ASPSCR1: variants seen among roughly 807,000 people sequenced by gnomAD.
The protein encoded by ASPSCR1 is ASPSCR1 tether for SLC2A4, UBX domain containing, also known as tether containing UBX domain for GLUT4.
A neutral mutation model predicts 68.9 loss-of-function variants in ASPSCR1; 55 were observed. The observed-to-expected ratio is 0.80, with a 90% confidence interval of 0.64 to 1.00. ASPSCR1 has a LOEUF of 1.00. ASPSCR1 is among the 50% of genes least tolerant of loss of function. The pLI is 0.00. For missense variants in ASPSCR1, 765 were observed against 762.2 expected, an observed-to-expected ratio of 1.00 and a Z score of -0.04; for synonymous variants, 352 against 332.6, an observed-to-expected ratio of 1.06 and a Z score of -0.63.
chr17:81,987,908 G>T lies in ASPSCR1; in HGVS notation c.374+2301G>T, dbSNP rs1349398962. Among the ~76,000 whole-genome samples the T allele has an allele frequency of 1.3e-5, 2 of 151,928 alleles. No homozygotes were observed. The highest frequency in any genetic ancestry group is 2.9e-5 in the Non-Finnish European group (2 of 67,982). On this transcript the variant is annotated intron_variant, in intron 4 of 15. Transcript: ENST00000306739. This position sits in a 1 kb window ranked among gnomAD's most constrained non-coding sequence, Gnocchi z 5.6. ...GGCACGGTGGCTCACACCTGTAATC[G>T]CAGCACTTTGGGAGGCTGAGGCGGG...
At chr17:82,012,204 T>C (rs763382388) in intron 11 of ASPSCR1, 27 bp from the exon 12 acceptor site, 2 of 1,611,068 alleles carry the variant, frequency 1.2e-6, no homozygotes, top group Admixed American at 3.3e-5. Context: ...CGGTGCTTCC[T>C]AACACGTAGG....
chr17:82,010,519 A>T (rs1369882923), intron 9 of ASPSCR1, among the ~76,000 whole-genome samples: 5 of 133,582 alleles, frequency 3.7e-5, no homozygotes, highest in Middle Eastern at 3.9e-3. Flanking sequence ...ACAGAGTGAG[A>T]CTCCATCTCA....
At chr17:82,009,213 C>T (rs746020195) in intron 8 of ASPSCR1, 22 bp downstream of exon 8, 2 of 1,583,336 alleles carry the variant, frequency 1.3e-6, no homozygotes, top group Middle Eastern at 1.7e-4. Flanking sequence ...CTCAGTGCCT[C>T]CCGGCATCTT....
chr17:82,016,993 G>A lies in ASPSCR1; in HGVS notation c.1528G>A (p.Ala510Thr). 2 of 1,612,620 alleles carry A rather than the reference G, an allele frequency of 1.2e-6. No homozygotes were observed. The highest frequency in any genetic ancestry group is 2.2e-5 in the East Asian group (1 of 44,878). ...TTCCCCATTGCCAGCCCCTGACCCTGCACCTAAGTCTGAGCCAGCTGCTGA... is the reference window on the plus strand; with the variant it reads ...TTCCCCATTGCCAGCCCCTGACCCTACACCTAAGTCTGAGCCAGCTGCTGA... Reference protein sequence around the residue: ...SPSPLPAPDPAPKSEPAAEEG... With the variant: ...SPSPLPAPDPTPKSEPAAEEG... Residue 510 changes from alanine (A) to threonine (T), a missense_variant, in exon 15 of 16, where the codon GCA (alanine) becomes ACA (threonine). Coordinates refer to ENST00000306739, the MANE Select transcript of ASPSCR1 (RefSeq NM_024083.4).
intron 4 of ASPSCR1, among the ~76,000 whole-genome samples, chr17:81,991,309 C>G (rs1195992397): frequency 6.6e-6 from 1 of 152,220 alleles, no homozygotes; most frequent in South Asian, 2.1e-4. Context: ...CCCTCTGCTC[C>G]CAGCCTTGAC....
intron 11 of ASPSCR1, 45 bp downstream of exon 11, chr17:82,011,650 G>C (rs535173971): frequency 1.9e-6 from 3 of 1,590,052 alleles, no homozygotes; most frequent in East Asian, 2.3e-5. Context: ...AGTGCTCGGG[G>C]CCTTGGTGCT....
chr17:82,015,057 C>T (rs1422094895), intron 12 of ASPSCR1: 3 of 1,591,274 alleles, frequency 1.9e-6, no homozygotes, highest in East Asian at 2.2e-5. Flanking sequence ...GACGGTGTGA[C>T]CCACTTTCCC....
chr17:82,015,854 C>T (rs781487640), intron 12 of ASPSCR1: 20 of 183,760 alleles, frequency 1.1e-4, no homozygotes, highest in Non-Finnish European at 2.3e-4. Context: ...AGGCCCTTCT[C>T]TGCTCACAAG....
chr17:81,982,051 C>A (rs945566393), intron 2 of ASPSCR1, among the ~76,000 whole-genome samples: 3 of 152,198 alleles, frequency 2.0e-5, no homozygotes, highest in Admixed American at 2.0e-4. Context: ...ACACTGCAAC[C>A]TCCGCCTCCC....
intron 8 of ASPSCR1, 26 bp from the exon 9 acceptor site, chr17:82,009,460 C>T (rs2042837053): frequency 1.7e-5 from 26 of 1,556,170 alleles, no homozygotes; most frequent in Non-Finnish European, 2.2e-5. Context: ...GACCAGAAGC[C>T]CTGTTCCTTC....
intron 5 of ASPSCR1, 99 bp downstream of exon 5, chr17:81,994,977 G>C (rs115284731): frequency 7.8e-7 from 1 of 1,276,278 alleles, no homozygotes; most frequent in Non-Finnish European, 1.1e-6. Flanking sequence ...GGGCAGTGGC[G>C]GGAGACTCGG....
chr17:81,994,422 G>A (rs2042269222), intron 4 of ASPSCR1, among the ~76,000 whole-genome samples: 2 of 152,236 alleles, frequency 1.3e-5, no homozygotes, highest in African/African-American at 2.4e-5. Flanking sequence ...AAGCCCAGAC[G>A]TCGGTACCCT....
rs1231233227 is a variant in ASPSCR1, at chr17:81,988,454, CAAA to C, written c.374+2862_374+2864del. ...TGGGTGACAAAGCAGGACTCCGTCTCAAAAAAAAAAAAAAAAACAAGAGCAAGT... is the reference window on the plus strand; with the variant it reads ...TGGGTGACAAAGCAGGACTCCGTCTCAAAAAAAAAAAAAACAAGAGCAAGT... On this transcript the variant is annotated intron_variant, in intron 4 of 15. Coordinates refer to ENST00000306739, the MANE Select transcript of ASPSCR1 (RefSeq NM_024083.4). Among the ~76,000 whole-genome samples the C allele has an allele frequency of 1.3e-4, 9 of 71,016 alleles. No homozygotes were observed. The South Asian group carries it at 1.4e-3, about 11-fold the overall frequency. 46.6% of individuals were successfully genotyped at this position (71,016 alleles called of 152,430 possible).
intron 5 of ASPSCR1, chr17:81,995,142 G>T (rs1159812157): frequency 1.2e-5 from 6 of 510,138 alleles, no homozygotes; most frequent in Non-Finnish European, 2.1e-5. Context: ...ATAAATATTT[G>T]CTTTGCTCGG....
At position 81,996,570 on chromosome 17, in the gene ASPSCR1, C is replaced by T. The variant is rs919392793; in HGVS notation, c.657C>T (p.Asp219=). ...ACTTGAGCCGTCCGGAGGACGCGGA[C>T]ACCTCAGGGCCCTGCTGCGAGCACA... ...RGDLSRPEDA[D]TSGPCCEHTQ... The change falls in exon 7 of 16, where the codon GAC becomes GAT. Residue 219 remains aspartate, a synonymous_variant. Transcript: ENST00000306739. 3 of 1,611,634 alleles carry T rather than the reference C, an allele frequency of 1.9e-6. No homozygotes were observed. The highest frequency in any genetic ancestry group is 2.7e-5 in the African/African-American group (2 of 74,992).
intron 7 of ASPSCR1, among the ~76,000 whole-genome samples, chr17:82,000,371 G>T (rs1238707853): frequency 6.6e-6 from 1 of 152,216 alleles, no homozygotes; most frequent in Non-Finnish European, 1.5e-5. Flanking sequence ...TGCCTGGCCT[G>T]CATGGCGTGC....
intron 7 of ASPSCR1, among the ~76,000 whole-genome samples, chr17:82,000,887 C>G (rs868611555): frequency 1.3e-5 from 2 of 152,158 alleles, no homozygotes; most frequent in African/African-American, 2.4e-5. Context: ...GGCTGGGACG[C>G]CAGTCCCAGC....
intron 12 of ASPSCR1, chr17:82,015,228 G>T: frequency 6.3e-7 from 1 of 1,598,292 alleles, no homozygotes; most frequent in Non-Finnish European, 8.5e-7. Flanking sequence ...CAGAGGCCGA[G>T]CCTCTCCAAG....
chr17:81,984,931 C>G (rs1411399284), intron 3 of ASPSCR1, among the ~76,000 whole-genome samples: 2 of 122,344 alleles, frequency 1.6e-5, no homozygotes, highest in African/African-American at 3.2e-5. Context: ...GCACACACCC[C>G]CACACCCGCA....
Sources: allele counts gnomAD v4.1 joint callset (sites outside exome capture counted in the v4.1 genomes callset), GRCh38; gene constraint gnomAD v4.1.1; non-coding constraint Gnocchi (gnomAD v3.1); transcripts MANE v1.5; gene names NCBI Gene and HGNC (gene_info 2026-07-23, HGNC 2026-07-21).